The following PRKN variants were observed in gnomAD, a reference collection of about 807,000 sequenced individuals.
PRKN encodes the protein parkin RBR E3 ubiquitin protein ligase, also known as E3 ubiquitin-protein ligase parkin.
A neutral mutation model predicts 59.5 loss-of-function variants in PRKN; 56 were observed. The observed-to-expected ratio is 0.94, with a 90% CI of 0.76 to 1.18. PRKN has a LOEUF of 1.18. PRKN is among the 50% of genes most tolerant of loss of function. The pLI, the probability that PRKN is intolerant of heterozygous loss-of-function variation, is 0.00. For missense variants in PRKN, 657 were observed against 596.4 expected (o/e 1.10, Z -1.06); for synonymous variants, 250 against 222.1 (o/e 1.13, Z -1.12).
intron 2 of PRKN, among the ~76,000 whole-genome samples, chr6:162,381,896 G>A (rs1055636263): frequency 1.3e-5 from 2 of 152,042 alleles, no homozygotes; most frequent in African/African-American, 4.8e-5. Context: ...ACAGAATAAG[G>A]AAAACTGCAT....
At chr6:161,978,211 A>G (rs1243283448) in intron 5 of PRKN, among the ~76,000 whole-genome samples, 1 of 151,994 alleles carries the variant, frequency 6.6e-6, no homozygotes, top group Non-Finnish European at 1.5e-5. Context: ...CACCATGCCC[A>G]ACCAATTTTT....
At chr6:161,449,536 T>C (rs997783250) in intron 9 of PRKN, among the ~76,000 whole-genome samples, 5 of 152,182 alleles carry the variant, frequency 3.3e-5, no homozygotes, top group Non-Finnish European at 7.3e-5. Context: ...TCTCTTTTCA[T>C]GTTCATATTC....
chr6:161,732,934 C>T (rs1320672041), intron 7 of PRKN, among the ~76,000 whole-genome samples: 6 of 152,102 alleles, frequency 3.9e-5, no homozygotes, highest in African/African-American at 1.4e-4. Flanking sequence ...TCTAATGTTG[C>T]CCTCATATTC....
Position 161,561,132 on chromosome 6 carries a change from A to G in PRKN, c.933+8223T>C, listed in dbSNP as rs73782928. On this transcript the variant is annotated intron_variant, in intron 8 of 11. Transcript: ENST00000366898. The surrounding 1 kb of genome is among the most constrained non-coding windows in gnomAD (Gnocchi z 5.0). The stretch of plus-strand genomic sequence containing the variant: ...TTTCTTCCCCTCAACCCGCCGAAAA[A>G]AGGGGTGAAATAAAAAAGATGAAAT... Among the ~76,000 whole-genome samples, 798 of 152,310 alleles carry G rather than the reference A, an allele frequency of 5.2e-3. 12 individuals are homozygous for G. The highest frequency in any genetic ancestry group is 0.018 in the African/African-American group (766 of 41,576).
At chr6:161,573,149 G>A (rs1178342732) in intron 7 of PRKN, among the ~76,000 whole-genome samples, 1 of 152,168 alleles carries the variant, frequency 6.6e-6, no homozygotes, top group Non-Finnish European at 1.5e-5. Flanking sequence ...GGGGAAGGGA[G>A]GCAGCCTACA....
At chr6:161,536,967 G>C (rs1192171500) in intron 9 of PRKN, among the ~76,000 whole-genome samples, 1 of 152,174 alleles carries the variant, frequency 6.6e-6, no homozygotes. Flanking sequence ...TGGGTCAATA[G>C]ATTTAGTCTA....
intron 6 of PRKN, among the ~76,000 whole-genome samples, chr6:161,884,398 C>G (rs1315284878): frequency 9.9e-5 from 15 of 152,166 alleles, no homozygotes; most frequent in Admixed American, 9.2e-4. Context: ...CATTTTGCAG[C>G]TTAGTTTCAT....
At chr6:162,274,743 G>T (rs1400745535) in intron 2 of PRKN, among the ~76,000 whole-genome samples, 1 of 152,068 alleles carries the variant, frequency 6.6e-6, no homozygotes, top group Admixed American at 6.6e-5. Flanking sequence ...TTGCATATGG[G>T]TGGTATTACT....
chr6:161,401,438 G>A lies in PRKN; in HGVS notation c.1084-14561C>T, dbSNP rs1263431001. On this transcript the variant is annotated intron_variant, in intron 9 of 11. Transcript: ENST00000366898. The surrounding 1 kb of genome is among the most constrained non-coding windows in gnomAD (Gnocchi z 4.4). ...CCAGCCTGGCCAACATGGTGAAACC[G>A]CATCTCTACTAAAAATACAAAAACG... is the stretch of plus-strand genomic sequence containing the variant. 1.3e-5 allele frequency among the ~76,000 whole-genome samples: 2 copies of A among 151,958 alleles called. No individual in the cohort carries two copies. The highest frequency in any genetic ancestry group is 1.9e-4 in the East Asian group (1 of 5,162).
intron 6 of PRKN, among the ~76,000 whole-genome samples, chr6:161,966,681 G>A (rs549465533): frequency 6.6e-6 from 1 of 152,330 alleles, no homozygotes; most frequent in South Asian, 2.1e-4. Flanking sequence ...CAACCCTGAA[G>A]GGTGAAGAGC....
At position 161,575,236 on chromosome 6, in the gene PRKN, C is replaced by T. The variant is rs1467230023; in HGVS notation, c.872-5820G>A. Among the ~76,000 whole-genome samples, 1 of 152,184 alleles carries T rather than the reference C, an allele frequency of 6.6e-6. No homozygotes were observed. On this transcript the variant is annotated intron_variant, in intron 7 of 11. Transcript: ENST00000366898. The surrounding 1 kb of genome is among the most constrained non-coding windows in gnomAD (Gnocchi z 4.6). ...TTTAAAGGACAACTGCGAAACTGGG[C>T]TCTATATTTCAATTAGTATCTGTAA...
chr6:161,587,650 A>C (rs565827754), intron 7 of PRKN, among the ~76,000 whole-genome samples: 11 of 152,178 alleles, frequency 7.2e-5, no homozygotes, highest in Middle Eastern at 3.4e-3. Flanking sequence ...TTAAAAAAAA[A>C]CTTTTATTTC....
intron 9 of PRKN, among the ~76,000 whole-genome samples, chr6:161,479,845 T>A (rs1310832888): frequency 6.6e-6 from 1 of 152,210 alleles, no homozygotes; most frequent in African/African-American, 2.4e-5. Flanking sequence ...CCAACTTCCC[T>A]AGCCTCTGCT....
rs1029990136 is a variant in PRKN, at chr6:161,458,255, G to A, written c.1084-71378C>T. 2.0e-5 allele frequency among the ~76,000 whole-genome samples: 3 copies of A among 152,092 alleles called. No individual in the cohort carries two copies. Among genetic ancestry groups the A allele is most frequent in the Admixed American group, 6.6e-5 (1 of 15,256 alleles). On this transcript the variant is annotated intron_variant, in intron 9 of 11. Transcript: ENST00000366898. The surrounding 1 kb of genome is among the most constrained non-coding windows in gnomAD (Gnocchi z 6.1). Reference sequence around the variant, plus strand: ...GCTGCCACTTACAGATTTCAGAAACGTGTTGTCATTCTTTAATCATGATCA... The same window carrying A: ...GCTGCCACTTACAGATTTCAGAAACATGTTGTCATTCTTTAATCATGATCA...
chr6:162,471,426 AT>A (rs1471986159), intron 1 of PRKN, among the ~76,000 whole-genome samples: 7 of 152,150 alleles, frequency 4.6e-5, no homozygotes, highest in African/African-American at 1.7e-4. Flanking sequence ...GCTGGAAGTT[AT>A]CATAGATAGA....
At chr6:162,291,559 CCA>C (rs1436958192) in intron 2 of PRKN, among the ~76,000 whole-genome samples, 1 of 152,024 alleles carries the variant, frequency 6.6e-6, no homozygotes, top group African/African-American at 2.4e-5. Flanking sequence ...CACATGGGAC[CCA>C]CACATTTCGA....
intron 2 of PRKN, among the ~76,000 whole-genome samples, chr6:162,339,739 G>T (rs934594960): frequency 6.6e-6 from 1 of 151,918 alleles, no homozygotes; most frequent in Admixed American, 6.6e-5. Flanking sequence ...GATGGTTGCC[G>T]TGTCTGTGTA....
chr6:161,829,975 TG>T (rs1325085605), intron 6 of PRKN, among the ~76,000 whole-genome samples: 3 of 152,122 alleles, frequency 2.0e-5, no homozygotes, highest in Admixed American at 6.5e-5. Flanking sequence ...GGCCGGGAGC[TG>T]GGTCATATTC....
At chr6:162,186,501 G>A (rs1784040667) in intron 4 of PRKN, among the ~76,000 whole-genome samples, 1 of 152,004 alleles carries the variant, frequency 6.6e-6, no homozygotes, top group Non-Finnish European at 1.5e-5. Context: ...GAAGAAAAGG[G>A]CTTCTATGGA....
Sources: gnomAD v4.1 joint callset for allele counts (sites outside exome capture counted in the v4.1 genomes callset) on GRCh38, gnomAD v4.1.1 for gene constraint, Gnocchi (gnomAD v3.1) non-coding constraint, MANE v1.5 for transcripts, NCBI Gene and HGNC (gene_info 2026-07-23, HGNC 2026-07-21) for gene names.